SPHKAP: variants seen among roughly 807,000 people sequenced by gnomAD.
SPHKAP encodes SPHK1 interactor, AKAP domain containing.
In SPHKAP, 67 loss-of-function variants were observed where a neutral mutation model predicts 137.5. That is an observed-to-expected ratio of 0.49 (90% CI 0.40 to 0.60). SPHKAP has a LOEUF of 0.60. Ranked by LOEUF, SPHKAP falls within the 20% of genes least tolerant of loss-of-function variation. The pLI is 0.00. For missense variants in SPHKAP, 2,097 were observed against 2,069.3 expected (o/e 1.01, Z -0.26); for synonymous variants, 813 against 785.3 (o/e 1.04, Z -0.59).
At chr2:228,131,719 TAAA>T in intron 2 of SPHKAP, 2 of 916,114 alleles carry the variant, frequency 2.2e-6, no homozygotes, top group Non-Finnish European at 2.6e-6. Flanking sequence ...TGGCTAAGTT[TAAA>T]AAGAAGTACT....
At chr2:228,180,894 G>A (rs896946846) in intron 1 of SPHKAP, among the ~76,000 whole-genome samples, 10 of 152,202 alleles carry the variant, frequency 6.6e-5, no homozygotes, top group Admixed American at 5.9e-4. Context: ...ACTCGCACCC[G>A]GCAGCGCCTG....
In SPHKAP at chr2:227,991,078, A is replaced by G. The variant is rs904163657; in HGVS notation, c.4881T>C (p.Thr1627=). ...PECPDAELRA[T]LQWIAASELG... ...GTTCAGAGGCAGCTATCCACTGCAGAGTGGCTCGGAGCTCGGCATCTGGAC... is the reference window on the plus strand; with the variant it reads ...GTTCAGAGGCAGCTATCCACTGCAGGGTGGCTCGGAGCTCGGCATCTGGAC... Residue 1627 remains threonine (T), a synonymous_variant, in exon 11 of 12, where the codon ACT becomes ACC. Coordinates refer to ENST00000392056, the MANE Select transcript of SPHKAP (RefSeq NM_001142644.2). 1.2e-6 allele frequency: 2 copies of G among 1,614,150 alleles called. No homozygotes were observed. Among genetic ancestry groups the G allele is most frequent in the Non-Finnish European group, 1.7e-6 (2 of 1,180,018 alleles).
chr2:228,088,625 G>A (rs145671534), intron 3 of SPHKAP, among the ~76,000 whole-genome samples: 25 of 152,294 alleles, frequency 1.6e-4, no homozygotes, highest in African/African-American at 5.5e-4. Flanking sequence ...GTTGGAGAAG[G>A]AGCCTTGTTG....
chr2:228,006,145 G>A (rs866029351), intron 7 of SPHKAP, among the ~76,000 whole-genome samples: 3 of 152,054 alleles, frequency 2.0e-5, no homozygotes, highest in Non-Finnish European at 2.9e-5. Flanking sequence ...TTTCCAAGTC[G>A]GTTCCATTCT....
chr2:228,061,497 C>A (rs572693722), intron 3 of SPHKAP, among the ~76,000 whole-genome samples: 14 of 152,116 alleles, frequency 9.2e-5, no homozygotes, highest in African/African-American at 3.1e-4. Context: ...GTCTTGAACT[C>A]CTGACCTCAA....
intron 3 of SPHKAP, among the ~76,000 whole-genome samples, chr2:228,037,006 G>C (rs997726285): frequency 1.3e-5 from 2 of 151,778 alleles, no homozygotes; most frequent in Non-Finnish European, 2.9e-5. Flanking sequence ...CACATTGTGC[G>C]CATGTACCCT....
chr2:228,029,777 G>A (rs1020513744), intron 3 of SPHKAP, among the ~76,000 whole-genome samples: 1 of 152,124 alleles, frequency 6.6e-6, no homozygotes, highest in African/African-American at 2.4e-5. Flanking sequence ...TCAGTCCTCA[G>A]GGACTTTTAA....
chr2:228,096,662 GTGTGTC>G (rs1429928594), intron 3 of SPHKAP, among the ~76,000 whole-genome samples: 1 of 143,248 alleles, frequency 7.0e-6, no homozygotes, highest in Non-Finnish European at 1.5e-5. Flanking sequence ...GTGTGTGTGT[GTGTGTC>G]TGCGTGTGTG....
At chr2:228,062,669 T>C (rs1696692848) in intron 3 of SPHKAP, among the ~76,000 whole-genome samples, 1 of 152,194 alleles carries the variant, frequency 6.6e-6, no homozygotes, top group South Asian at 2.1e-4. Flanking sequence ...TTTTTTATTT[T>C]GTGAAAGTAA....
intron 1 of SPHKAP, among the ~76,000 whole-genome samples, chr2:228,175,008 C>A (rs1700697605): frequency 1.5e-5 from 2 of 135,082 alleles, no homozygotes; most frequent in South Asian, 2.4e-4. Context: ...ACAAATTATC[C>A]ATCTGAAAAA....
intron 1 of SPHKAP, among the ~76,000 whole-genome samples, chr2:228,179,325 A>G (rs1700831517): frequency 1.3e-5 from 2 of 152,224 alleles, no homozygotes; most frequent in Non-Finnish European, 2.9e-5. Context: ...AATATTCAAT[A>G]ATCAATTCTT....
intron 3 of SPHKAP, among the ~76,000 whole-genome samples, chr2:228,056,087 G>C (rs79165775): frequency 0.018 from 2,771 of 152,304 alleles, 85 homozygotes; most frequent in African/African-American, 0.061. Context: ...TAAGTGCTAT[G>C]CCCTCAAACT....
chr2:228,178,778 C>T (rs1315150238), intron 1 of SPHKAP, among the ~76,000 whole-genome samples: 1 of 151,810 alleles, frequency 6.6e-6, no homozygotes, highest in Admixed American at 6.6e-5. Flanking sequence ...CGATATCTTC[C>T]AGCTTTGATA....
chr2:228,127,574 C>T (rs1699114719), intron 2 of SPHKAP, among the ~76,000 whole-genome samples: 1 of 152,158 alleles, frequency 6.6e-6, no homozygotes, highest in South Asian at 2.1e-4. Context: ...AAGGTACTGA[C>T]TTCTTCACTA....
chr2:228,115,165 A>T (rs184580636), intron 2 of SPHKAP, among the ~76,000 whole-genome samples: 16 of 152,114 alleles, frequency 1.1e-4, no homozygotes, highest in Admixed American at 6.6e-4. Flanking sequence ...CCCATCAATC[A>T]TTTTCCTTAT....
chr2:227,990,020 T>C (rs1399713679), intron 11 of SPHKAP, among the ~76,000 whole-genome samples: 1 of 152,180 alleles, frequency 6.6e-6, no homozygotes, highest in Non-Finnish European at 1.5e-5. Context: ...TGACAGAGAA[T>C]GTAGGTGGCC....
In SPHKAP at chr2:228,016,936, A is replaced by AATT; in HGVS notation, c.3915_3917dup (p.Ile1306dup). On this transcript the variant is annotated inframe_insertion, in exon 7 of 12. Coordinates refer to ENST00000392056, the MANE Select transcript of SPHKAP (RefSeq NM_001142644.2). ...CAATGGAGCTAGCCCACGTTTCATG[A>AATT]ATTAACATGTTGGTGATGTGGTCAG... 1.9e-6 allele frequency: 3 copies of AATT among 1,614,144 alleles called. No individual in the cohort carries two copies. Among genetic ancestry groups the AATT allele is most frequent in the Non-Finnish European group, 2.5e-6 (3 of 1,180,020 alleles).
chr2:227,984,506 T>C (rs1389358578), intron 11 of SPHKAP, among the ~76,000 whole-genome samples: 1 of 152,090 alleles, frequency 6.6e-6, no homozygotes, highest in Non-Finnish European at 1.5e-5. Context: ...TAGTGATTTA[T>C]GGAGATACAT....
In SPHKAP at chr2:228,092,416, C is replaced by T. The variant is rs13386289; in HGVS notation, c.246+16416G>A. ...ATATATACACATATACACATATATA[C>T]ATATATACATATATGTATATATGTG... On this transcript the variant is annotated intron_variant, in intron 3 of 11. Transcript: ENST00000392056. Among the ~76,000 whole-genome samples, 83 of 66,268 alleles carry T rather than the reference C, an allele frequency of 1.3e-3. 2 individuals are homozygous for T. The highest frequency in any genetic ancestry group is 3.1e-3 in the African/African-American group (54 of 17,318). The allele number at this position is 66,268 out of a possible 152,430, so 43.5% of individuals were successfully genotyped here. A position where few individuals can be genotyped will look rare whatever the true frequency, so the allele number is the denominator to read the frequency against.
Sources: allele counts gnomAD v4.1 joint callset (sites outside exome capture counted in the v4.1 genomes callset), GRCh38; gene constraint gnomAD v4.1.1; transcripts MANE v1.5; gene names NCBI Gene and HGNC (gene_info 2026-07-23, HGNC 2026-07-21).